Variants in ADGRL3 observed in about 807,000 individuals in gnomAD.
ADGRL3 encodes the protein calcium-independent alpha-latrotoxin receptor 3.
Under a neutral mutation model 153.5 loss-of-function variants are expected in ADGRL3, and 62 were observed. The observed-to-expected ratio is 0.40, with a 90% CI of 0.33 to 0.50. ADGRL3 has a LOEUF of 0.50. ADGRL3 is among the 20% of genes least tolerant of loss of function. The probability of loss-of-function intolerance (pLI) is 0.47; values close to 1 mark genes in which losing one functional copy is unlikely to be tolerated. For missense variants in ADGRL3, 1,641 were observed against 1,859.4 expected (o/e 0.88, Z 2.16); for synonymous variants, 710 against 672.5 (o/e 1.06, Z -0.86).
At chr4:61,671,128 A>G (rs2094978917) in intron 5 of ADGRL3, among the ~76,000 whole-genome samples, 1 of 152,180 alleles carries the variant, frequency 6.6e-6, no homozygotes, top group South Asian at 2.1e-4. Context: ...TACTGAAATT[A>G]GCAGGAAAAA....
intron 2 of ADGRL3, among the ~76,000 whole-genome samples, chr4:61,439,333 T>C (rs1217000265): frequency 6.6e-6 from 1 of 152,214 alleles, no homozygotes; most frequent in Non-Finnish European, 1.5e-5. Flanking sequence ...GAGCAACTCA[T>C]TCTCAGCTTA....
chr4:61,579,653 G>A (rs1235776707), intron 4 of ADGRL3: 2 of 479,284 alleles, frequency 4.2e-6, no homozygotes, highest in African/African-American at 4.1e-5. Context: ...GTTTGATGAT[G>A]TACCACTCAT....
intron 1 of ADGRL3, among the ~76,000 whole-genome samples, chr4:61,359,851 T>A (rs1210209281): frequency 6.6e-6 from 1 of 152,222 alleles, no homozygotes. Flanking sequence ...TTGAATTAAT[T>A]AAATATTCAT....
intron 1 of ADGRL3, among the ~76,000 whole-genome samples, chr4:61,207,511 A>C (rs930962412): frequency 1.3e-5 from 2 of 152,176 alleles, no homozygotes; most frequent in Non-Finnish European, 2.9e-5. Flanking sequence ...GTAAACATAC[A>C]TGTGCATGTG....
chr4:61,534,325 A>G (rs2098641770), intron 4 of ADGRL3, among the ~76,000 whole-genome samples: 1 of 152,050 alleles, frequency 6.6e-6, no homozygotes, highest in African/African-American at 2.4e-5. Context: ...TGCCAACATC[A>G]TGCTATTTTG....
At position 62,070,374 on chromosome 4, in the gene ADGRL3, C is replaced by A. The variant is rs200367437; in HGVS notation, c.4098C>A (p.Asn1366Lys). 3.7e-3 allele frequency: 5,708 copies of A among 1,552,156 alleles called. 19 individuals are homozygous for A. The highest frequency in any genetic ancestry group is 5.4e-3 in the South Asian group (455 of 84,056). The change falls in exon 27 of 27, where the codon AAC becomes AAA. Residue 1366 changes from asparagine to lysine, a missense_variant. By Grantham distance (94) the Asn-to-Lys change is moderately conservative. This residue lies in a region of ADGRL3 where 517 missense variants were observed against 555.0 expected (regional missense o/e 0.93). Transcript: ENST00000683033. ...NRNLMNKLVN[N>K]LGSGREDDAI... is the part of the protein sequence containing the mutation. ...ATCTGATGAACAAGCTGGTGAATAACCTTGGCAGTGGAAGGGAAGATGATG... is the reference window on the plus strand; with the variant it reads ...ATCTGATGAACAAGCTGGTGAATAAACTTGGCAGTGGAAGGGAAGATGATG...
intron 2 of ADGRL3, among the ~76,000 whole-genome samples, chr4:61,463,485 C>T (rs1365752615): frequency 6.6e-6 from 1 of 152,120 alleles, no homozygotes. Flanking sequence ...ATGAGAAGAG[C>T]AAGGGGGAAA....
rs955750330 is a variant in ADGRL3 at position 61,915,119 on chromosome 4, G to A, written c.2112+2362G>A. Among the ~76,000 whole-genome samples, 16 of 151,660 alleles carry A rather than the reference G, an allele frequency of 1.1e-4. 1 individual carries two copies. Among genetic ancestry groups the A allele is most frequent in the African/African-American group, 3.6e-4 (15 of 41,360 alleles). The stretch of plus-strand genomic sequence containing the variant: ...GAATTTCAACATTGAACAGAGATTA[G>A]GAAGATAAACTTTTAATTTGCATTT... On this transcript the variant is annotated intron_variant, in intron 13 of 26. Transcript: ENST00000683033.
intron 6 of ADGRL3, among the ~76,000 whole-genome samples, chr4:61,722,189 G>A (rs1218201575): frequency 6.6e-6 from 1 of 152,164 alleles, no homozygotes; most frequent in Non-Finnish European, 1.5e-5. Context: ...TATGGATTGT[G>A]AAGGCAGAAA....
chr4:61,263,045 A>C (rs2092636255), intron 1 of ADGRL3, among the ~76,000 whole-genome samples: 1 of 152,060 alleles, frequency 6.6e-6, no homozygotes, highest in African/African-American at 2.4e-5. Context: ...AAAATTTCAT[A>C]TTTGTGATTT....
intron 21 of ADGRL3, among the ~76,000 whole-genome samples, chr4:62,018,453 C>T (rs891374785): frequency 2.0e-5 from 3 of 151,968 alleles, no homozygotes; most frequent in Non-Finnish European, 4.4e-5. Flanking sequence ...GAGAAAAGAC[C>T]AAGAGATTTT....
chr4:61,703,709 G>T (rs540685408), intron 6 of ADGRL3, among the ~76,000 whole-genome samples: 1 of 152,074 alleles, frequency 6.6e-6, no homozygotes, highest in Admixed American at 6.5e-5. Flanking sequence ...AGTGACAGAG[G>T]GGGGCAGATG....
chr4:61,390,542 C>T (rs180911450), intron 2 of ADGRL3, among the ~76,000 whole-genome samples: 10 of 152,232 alleles, frequency 6.6e-5, no homozygotes, highest in African/African-American at 2.4e-4. Context: ...GTTCATTGTT[C>T]TCTTTCAGTT....
At chr4:61,952,863 G>T (rs575371661) in intron 17 of ADGRL3, among the ~76,000 whole-genome samples, 2 of 152,146 alleles carry the variant, frequency 1.3e-5, no homozygotes, top group African/African-American at 2.4e-5. Flanking sequence ...CAACCTTTCC[G>T]CAATCCATTG....
At chr4:61,557,358 TATA>T (rs1365902812) in intron 4 of ADGRL3, among the ~76,000 whole-genome samples, 2 of 152,190 alleles carry the variant, frequency 1.3e-5, no homozygotes, top group Non-Finnish European at 2.9e-5. Context: ...TTTATGAACC[TATA>T]ATAGATGGAT....
intron 21 of ADGRL3, among the ~76,000 whole-genome samples, chr4:62,013,836 C>T (rs761813348): frequency 1.3e-5 from 2 of 151,696 alleles, no homozygotes; most frequent in African/African-American, 2.4e-5. Context: ...TTCAGTGAGC[C>T]GAGATCGCAC....
In ADGRL3 at chr4:61,572,297, G is replaced by C. The variant is rs576119130; in HGVS notation, c.260-14930G>C. On this transcript the variant is annotated intron_variant, in intron 4 of 26. Coordinates refer to ENST00000683033, the MANE Select transcript of ADGRL3 (RefSeq NM_001387552.1). ...ATGGAAACTGATCAAGGGACCTCAA[G>C]TACTGAAGAAACTTTAACTTTTAGC... Among the ~76,000 whole-genome samples the C allele has an allele frequency of 3.3e-5, 5 of 152,192 alleles. No individual in the cohort carries two copies. The East Asian group carries it at 9.7e-4, about 29-fold the overall frequency.
intron 8 of ADGRL3, among the ~76,000 whole-genome samples, chr4:61,789,787 C>T (rs1198587602): frequency 1.3e-5 from 2 of 152,064 alleles, no homozygotes; most frequent in Non-Finnish European, 2.9e-5. Context: ...CTAGAACATA[C>T]ATTATGTAAC....
At chr4:61,345,600 A>G (rs190818941) in intron 1 of ADGRL3, among the ~76,000 whole-genome samples, 17 of 152,322 alleles carry the variant, frequency 1.1e-4, no homozygotes, top group Admixed American at 2.0e-4. Flanking sequence ...TACAAGGACA[A>G]TTGCATATAT....
Sources: gnomAD v4.1 joint callset for allele counts (sites outside exome capture counted in the v4.1 genomes callset) on GRCh38, gnomAD v4.1.1 for gene constraint, gnomAD v4.1.1 regional missense constraint, MANE v1.5 for transcripts, NCBI Gene and HGNC (gene_info 2026-07-23, HGNC 2026-07-21) for gene names.